The following LONP1 variants were observed in gnomAD, a reference collection of about 807,000 sequenced individuals.
LONP1 encodes the protein lon protease homolog, mitochondrial.
In LONP1, 31 loss-of-function variants were observed where a neutral mutation model predicts 98.5. That is an observed-to-expected ratio of 0.31 (90% CI 0.24 to 0.42). The LOEUF (loss-of-function observed/expected upper bound fraction) is 0.42. Among genes scored for constraint, LONP1 ranks in the 20% least tolerant of loss-of-function variants. The pLI is 1.00. For missense variants in LONP1, 1,336 were observed against 1,350.6 expected, an observed-to-expected ratio of 0.99 and a Z score of 0.17; for synonymous variants, 781 against 594.7, an observed-to-expected ratio of 1.31 and a Z score of -4.56.
intron 1 of LONP1, among the ~76,000 whole-genome samples, chr19:5,716,044 T>C (rs1252081485): frequency 2.0e-5 from 3 of 151,504 alleles, no homozygotes; most frequent in Non-Finnish European, 4.4e-5. Context: ...TTCAAGCCTT[T>C]GTTAATTCAC....
intron 4 of LONP1, among the ~76,000 whole-genome samples, chr19:5,710,082 A>T (rs2055213193): frequency 7.3e-6 from 1 of 137,546 alleles, no homozygotes; most frequent in South Asian, 2.3e-4. Flanking sequence ...GGCTGTCTGA[A>T]TTTTTTTTTT....
chr19:5,693,305 G>C lies in LONP1; in HGVS notation c.2696C>G (p.Thr899Ser). Residue 899 changes from threonine (T) to serine (S), a missense_variant, in exon 17 of 18, where the codon ACC becomes AGC. Coordinates refer to ENST00000360614, the MANE Select transcript of LONP1 (RefSeq NM_004793.4). ...ILPVGGIKEK[T>S]IAAKRAGVTC... ...GGGTACAGGGACACTCACCGCAATG[G>C]TCTTCTCCTTGATGCCACCAACAGG... The C allele has an allele frequency of 1.9e-6, 3 of 1,611,490 alleles. No individual in the cohort carries two copies. Among genetic ancestry groups the C allele is most frequent in the Non-Finnish European group, 2.5e-6 (3 of 1,178,452 alleles).
chr19:5,692,773 A>G (rs1193327433), intron 17 of LONP1, among the ~76,000 whole-genome samples: 1 of 152,112 alleles, frequency 6.6e-6, no homozygotes, highest in Non-Finnish European at 1.5e-5. Flanking sequence ...CTGGTGTCCA[A>G]TTCAAGGTGG....
chr19:5,700,665 A>C, intron 9 of LONP1, 124 bp downstream of exon 9: 1 of 1,354,634 alleles, frequency 7.4e-7, no homozygotes, highest in Non-Finnish European at 1.0e-6. Flanking sequence ...GATCCCCCCG[A>C]CCAGCACCCC....
At chr19:5,720,371 CA>C, upstream of LONP1, 1 of 626,472 alleles carries the variant, frequency 1.6e-6, no homozygotes, top group Non-Finnish European at 2.6e-6. Flanking sequence ...AGGCTGTGAG[CA>C]GGCGCCAGCG....
At chr19:5,693,928 A>G (rs2054877980) in intron 15 of LONP1, among the ~76,000 whole-genome samples, 159 bp from the exon 16 acceptor site, 1 of 152,070 alleles carries the variant, frequency 6.6e-6, no homozygotes, top group African/African-American at 2.4e-5. Flanking sequence ...GCTGGCCTCT[A>G]CGTTTGCTGC....
In LONP1 at chr19:5,693,574, T is replaced by C; in HGVS notation, c.2516A>G (p.His839Arg). The C allele has an allele frequency of 6.2e-7, 1 of 1,614,044 alleles. No individual in the cohort carries two copies. The highest frequency in any genetic ancestry group is 8.5e-7 in the Non-Finnish European group (1 of 1,179,980). Reference sequence around the variant, plus strand: ...CACCTCGGGCACATGCAGGTGGATGTGTGAGGTCACCAGGTAGTCATTGGC... The same window carrying C: ...CACCTCGGGCACATGCAGGTGGATGCGTGAGGTCACCAGGTAGTCATTGGC... ...APANDYLVTS[H>R]IHLHVPEGAT... Residue 839 changes from histidine to arginine, a missense_variant, in exon 16 of 18, where the codon CAC becomes CGC. By Grantham distance (29) the His-to-Arg change is conservative. This residue lies in a region of LONP1 where 555 missense variants were observed against 542.6 expected (regional missense o/e 1.02). Transcript: ENST00000360614.
At chr19:5,719,645 G>T in intron 1 of LONP1, 59 bp downstream of exon 1, 2 of 1,612,328 alleles carry the variant, frequency 1.2e-6, no homozygotes. Flanking sequence ...TGATCCCACG[G>T]TTCAGCCCGC....
rs2055028442 is a variant in LONP1 at position 5,700,883 on chromosome 19, C to T, written c.1412G>A (p.Gly471Asp). The change falls in exon 9 of 18, where the codon GGC (glycine) becomes GAC (aspartate). Residue 471 changes from glycine (G) to aspartate (D), a missense_variant. Physicochemically the swap from Gly to Asp is moderately conservative, Grantham distance 94. Around this residue, in one of 5 missense-constraint regions of LONP1, gnomAD observed 219 missense variants for 241.0 expected, o/e 0.91. Transcript: ENST00000360614. ...YLDWLTSIPW[G>D]KYSNENLDLA... ...GTCCAGGTTCTCGTTGCTGTACTTG[C>T]CCCAAGGGATGGACGTGAGCCAGTC... The T allele has an allele frequency of 1.2e-6, 2 of 1,614,232 alleles. No individual in the cohort carries two copies. Among genetic ancestry groups the T allele is most frequent in the African/African-American group, 1.3e-5 (1 of 75,076 alleles).
intron 2 of LONP1, 122 bp from the exon 3 acceptor site, chr19:5,713,375 G>C: frequency 7.8e-7 from 1 of 1,278,350 alleles, no homozygotes; most frequent in Non-Finnish European, 1.1e-6. Context: ...TGAAAACCAA[G>C]AGCGGCCTCC....
At chr19:5,717,912 G>C (rs1383247444) in intron 1 of LONP1, among the ~76,000 whole-genome samples, 1 of 123,236 alleles carries the variant, frequency 8.1e-6, no homozygotes, top group Non-Finnish European at 1.7e-5. Flanking sequence ...TTTTTTTGTA[G>C]AGACAGGGTC....
intron 10 of LONP1, among the ~76,000 whole-genome samples, chr19:5,698,204 G>A (rs2054977211): frequency 6.6e-6 from 1 of 152,110 alleles, no homozygotes; most frequent in Admixed American, 6.5e-5. Context: ...CCAGCATGCT[G>A]TCACCCTTGC....
intron 3 of LONP1, 158 bp from the exon 4 acceptor site, chr19:5,712,160 C>A (rs2055249638): frequency 3.3e-6 from 2 of 610,018 alleles, no homozygotes; most frequent in Admixed American, 6.0e-5. Flanking sequence ...GAGACGTGAG[C>A]CGCTTTCTCG....
chr19:5,701,488 G>A (rs535327927), intron 8 of LONP1, among the ~76,000 whole-genome samples: 13 of 152,252 alleles, frequency 8.5e-5, no homozygotes, highest in Admixed American at 2.0e-4. Context: ...GCGCCGCCAC[G>A]CCTGACTGGT....
At position 5,696,327 on chromosome 19, in the gene LONP1, T is replaced by C. The variant is rs2145584199; in HGVS notation, c.1818A>G (p.Ala606=). The C allele has an allele frequency of 6.2e-7, 1 of 1,613,336 alleles. No homozygotes were observed. Among genetic ancestry groups the C allele is most frequent in the African/African-American group, 1.3e-5 (1 of 75,054 alleles). ...GCTCTGGGTCCAGCAGCTCCAGCAG[T>C]GCCGACGACGGGTCCCCCTGGTAGC... ...GRGYQGDPSS[A]LLELLDPEQN... Residue 606 remains alanine (A), a synonymous_variant, in exon 12 of 18, where the codon GCA becomes GCG. Coordinates refer to ENST00000360614, the MANE Select transcript of LONP1 (RefSeq NM_004793.4).
chr19:5,703,598 A>G (rs1599463784), intron 8 of LONP1, among the ~76,000 whole-genome samples: 1 of 151,638 alleles, frequency 6.6e-6, no homozygotes, highest in South Asian at 2.1e-4. Context: ...ACGAGCAGAC[A>G]CCGTCAGGGC....
At chr19:5,694,248 G>A (rs1043444019) in intron 15 of LONP1, 139 bp downstream of exon 15, 9 of 1,118,730 alleles carry the variant, frequency 8.0e-6, no homozygotes, top group African/African-American at 1.5e-5. Context: ...AGACCCCCTG[G>A]GCTCCCAGCA....
At chr19:5,702,871 C>A (rs1157834559) in intron 8 of LONP1, among the ~76,000 whole-genome samples, 1 of 151,078 alleles carries the variant, frequency 6.6e-6, no homozygotes, top group East Asian at 1.9e-4. Context: ...CCCAGGGACA[C>A]AAACACTGCG....
chr19:5,717,224 T>C (rs1307101799), intron 1 of LONP1: 1 of 152,230 alleles, frequency 6.6e-6, no homozygotes, highest in Non-Finnish European at 1.5e-5. Context: ...CTAGAGCAAG[T>C]TGGCCAGACA....
Sources: gnomAD v4.1 joint callset for allele counts (sites outside exome capture counted in the v4.1 genomes callset) on GRCh38, gnomAD v4.1.1 for gene constraint, gnomAD v4.1.1 regional missense constraint, MANE v1.5 for transcripts, NCBI Gene and HGNC (gene_info 2026-07-23, HGNC 2026-07-21) for gene names.